Variants in HSPG2 observed in about 807,000 individuals in gnomAD.
HSPG2 encodes the protein basement membrane-specific heparan sulfate proteoglycan core protein.
Under a neutral mutation model 526.6 loss-of-function variants are expected in HSPG2, and 278 were observed. The observed-to-expected ratio is 0.53, with a 90% CI of 0.48 to 0.58. The LOEUF is 0.58. HSPG2 is among the 20% of genes least tolerant of loss of function. The probability of loss-of-function intolerance (pLI) is 0.00; values close to 1 mark genes in which losing one functional copy is unlikely to be tolerated. For synonymous variants in HSPG2, 2,465 were observed against 2,555.4 expected (o/e 0.96, Z 1.07); for missense variants, 5,354 against 6,099.5 (o/e 0.88, Z 4.07).
At chr1:21,884,484 C>T in intron 13 of HSPG2, 44 bp downstream of exon 13, 1 of 1,609,824 alleles carries the variant, frequency 6.2e-7, no homozygotes, top group Non-Finnish European at 8.5e-7. Context: ...TACAGAGGTA[C>T]CCACCTCCCA....
chr1:21,876,030 C>T lies in HSPG2; in HGVS notation c.3016G>A (p.Gly1006Arg). The part of the protein sequence containing the change: ...RFLGDKVTSY[G>R]GELRFTVTQR... ...GTCACTGTGAAGCGCAGCTCTCCTC[C>T]ATAGGAGGTCACCTGGGACCAGGGT... is the stretch of plus-strand genomic sequence containing the variant. Residue 1006 changes from glycine (G) to arginine (R), a missense_variant, in exon 24 of 97, where the codon GGA (glycine) becomes AGA (arginine). Coordinates refer to ENST00000374695, the MANE Select transcript of HSPG2 (RefSeq NM_005529.7). 1 of 1,613,992 alleles carries T rather than the reference C, an allele frequency of 6.2e-7. No homozygotes were observed. The highest frequency in any genetic ancestry group is 8.5e-7 in the Non-Finnish European group (1 of 1,179,970).
At chr1:21,908,022 C>T (rs1253659397) in intron 1 of HSPG2, 2 of 693,546 alleles carry the variant, frequency 2.9e-6, no homozygotes, top group African/African-American at 3.5e-5. Flanking sequence ...CTACAGATAA[C>T]ACAGCACATG....
chr1:21,872,684 C>T lies in HSPG2; in HGVS notation c.3965G>A (p.Cys1322Tyr). ...FHLSASNPDG[C>Y]LPCFCMGITQ... Reference sequence around the variant, plus strand: ...GATGCCCATACAGAAGCAGGGCAGGCAGCCGTCTGGGTTGCTGGCACTCAG... The same window carrying T: ...GATGCCCATACAGAAGCAGGGCAGGTAGCCGTCTGGGTTGCTGGCACTCAG... The change falls in exon 32 of 97, where the codon TGC (cysteine) becomes TAC (tyrosine). Residue 1322 changes from cysteine (C) to tyrosine (Y), a missense_variant. Physicochemically the swap from Cys to Tyr is radical, Grantham distance 194. Coordinates refer to ENST00000374695, the MANE Select transcript of HSPG2 (RefSeq NM_005529.7). This position sits in a 1 kb window ranked among gnomAD's most constrained non-coding sequence, Gnocchi z 5.5. 6.2e-7 allele frequency: 1 copy of T among 1,606,538 alleles called. No individual in the cohort carries two copies. The highest frequency in any genetic ancestry group is 8.5e-7 in the Non-Finnish European group (1 of 1,177,544).
chr1:21,828,141 C>CA lies in HSPG2; in HGVS notation c.12420dup (p.Glu4141Ter). Reference sequence around the variant, plus strand: ...AGCTGGCAGGGGTTCTCCTCGTGCTCACACAGGTCTCCTGTGGGCCAGGGC... The same window carrying CA: ...AGCTGGCAGGGGTTCTCCTCGTGCTCAACACAGGTCTCCTGTGGGCCAGGGC... On this transcript the variant is annotated frameshift_variant, in exon 90 of 97. Coordinates refer to ENST00000374695, the MANE Select transcript of HSPG2 (RefSeq NM_005529.7). LOFTEE classifies it high-confidence loss of function. This position sits in a 1 kb window ranked among gnomAD's most constrained non-coding sequence, Gnocchi z 6.0. The CA allele has an allele frequency of 6.3e-7, 1 of 1,598,282 alleles. No homozygotes were observed.
rs1432717586 is a variant in HSPG2, at chr1:21,850,208, A to G, written c.7295-16T>C. 6.2e-7 allele frequency: 1 copy of G among 1,613,174 alleles called. No individual in the cohort carries two copies. The highest frequency in any genetic ancestry group is 8.5e-7 in the Non-Finnish European group (1 of 1,180,034). Reference sequence around the variant, plus strand: ...ACCCCAAGTGCTGGGGACAGAGGGCAAAGGGTCAATAGCCGGCTAGGAGGT... The same window carrying G: ...ACCCCAAGTGCTGGGGACAGAGGGCGAAGGGTCAATAGCCGGCTAGGAGGT... On this transcript the variant is annotated splice_polypyrimidine_tract_variant and intron_variant, in intron 56 of 96. Transcript: ENST00000374695.
At chr1:21,857,559 C>T (rs1339449716) in intron 42 of HSPG2, among the ~76,000 whole-genome samples, 174 bp from the exon 43 acceptor site, 1 of 152,146 alleles carries the variant, frequency 6.6e-6, no homozygotes, top group Admixed American at 6.5e-5. Flanking sequence ...CCATCCCCAC[C>T]CTCCTTGCCA....
Position 21,880,736 on chromosome 1 carries a change from C to T in HSPG2, c.1918G>A (p.Ala640Thr). Residue 640 changes from alanine (A) to threonine (T), a missense_variant, in exon 15 of 97, where the codon GCC (alanine) becomes ACC (threonine). Transcript: ENST00000374695. ...CCTCGGGAGAGGAGGCGGTACCCGG[C>T]ACCCATGAGGACCACGTCCGGCCGC... ...VQRPDVVLMGAGYRLLSRGHT... is the reference protein window; with the variant it reads ...VQRPDVVLMGTGYRLLSRGHT... The T allele has an allele frequency of 6.2e-7, 1 of 1,601,360 alleles. No homozygotes were observed. Among genetic ancestry groups the T allele is most frequent in the Non-Finnish European group, 8.5e-7 (1 of 1,174,562 alleles).
Position 21,858,332 on chromosome 1 carries a change from ACTCT to A in HSPG2, c.5294-951_5294-948del, listed in dbSNP as rs1477650129. On this transcript the variant is annotated intron_variant, in intron 42 of 96. Transcript: ENST00000374695. The surrounding 1 kb of genome is among the most constrained non-coding windows in gnomAD (Gnocchi z 4.2). ...CTGTCTCTTCCTGCCTCATGGCTGC[ACTCT>A]CTCAGGCTCTTCCTGCCCTTCCTCT... Among the ~76,000 whole-genome samples the A allele has an allele frequency of 6.6e-6, 1 of 151,534 alleles. No homozygotes were observed. The highest frequency in any genetic ancestry group is 1.5e-5 in the Non-Finnish European group (1 of 67,872).
chr1:21,876,457 T>G, intron 22 of HSPG2, 52 bp from the exon 23 acceptor site: 1 of 1,612,702 alleles, frequency 6.2e-7, no homozygotes, highest in Admixed American at 1.7e-5. Context: ...GGACTGGCGC[T>G]TGGTCCATCC....
At chr1:21,886,163 G>A (rs1430921204) in intron 9 of HSPG2, among the ~76,000 whole-genome samples, 3 of 152,262 alleles carry the variant, frequency 2.0e-5, no homozygotes, top group South Asian at 4.1e-4. Context: ...AGGAGCCCAC[G>A]AGGCCATTCA....
Position 21,839,236 on chromosome 1 carries a change from G to C in HSPG2, c.9889+135C>G. 1 of 1,420,982 alleles carries C rather than the reference G, an allele frequency of 7.0e-7. No individual in the cohort carries two copies. The highest frequency in any genetic ancestry group is 9.7e-7 in the Non-Finnish European group (1 of 1,027,746). The allele number at this position is 1,420,982 out of a possible 1,614,324, so 88.0% of individuals were successfully genotyped here. On this transcript the variant is annotated intron_variant, in intron 73 of 96. Transcript: ENST00000374695. The surrounding 1 kb of genome is among the most constrained non-coding windows in gnomAD (Gnocchi z 4.5). Reference sequence around the variant, plus strand: ...GGTCCCAGGCCAGGGTGTGGGTGTCGGGCAGGGCAGGCTCCAGGACCCTGC... The same window carrying C: ...GGTCCCAGGCCAGGGTGTGGGTGTCCGGCAGGGCAGGCTCCAGGACCCTGC...
rs911993450 is a variant in HSPG2 at position 21,895,676 on chromosome 1, T to G, written c.244+246A>C. Among the ~76,000 whole-genome samples, 1 of 152,206 alleles carries G rather than the reference T, an allele frequency of 6.6e-6. No homozygotes were observed. The highest frequency in any genetic ancestry group is 1.5e-5 in the Non-Finnish European group (1 of 68,026). ...TGTCAGTCCCCAGCAGAACTGGGCT[T>G]TACCTGCCCAGTGCCCTGATACCTG... is the stretch of plus-strand genomic sequence containing the variant. On this transcript the variant is annotated intron_variant, in intron 3 of 96. Coordinates refer to ENST00000374695, the MANE Select transcript of HSPG2 (RefSeq NM_005529.7). This position sits in a 1 kb window ranked among gnomAD's most constrained non-coding sequence, Gnocchi z 4.1.
chr1:21,849,063 A>C lies in HSPG2; in HGVS notation c.7447-32T>G, dbSNP rs199830513. 5.6e-4 allele frequency: 900 copies of C among 1,609,286 alleles called. 2 individuals carry two copies. The highest frequency in any genetic ancestry group is 4.3e-3 in the Middle Eastern group (25 of 5,798). The stretch of plus-strand genomic sequence containing the variant: ...GGGTCAGGAGGGAGGAGGCAGGCTC[A>C]GAGCTGGGCACTGCGGCTCACGCCA... On this transcript the variant is annotated intron_variant, in intron 57 of 96. Coordinates refer to ENST00000374695, the MANE Select transcript of HSPG2 (RefSeq NM_005529.7).
chr1:21,917,437 GTAAATAAATAAATAAATAAA>G (rs71569857), intron 1 of HSPG2, among the ~76,000 whole-genome samples: 12,241 of 141,278 alleles, frequency 0.087, 1,294 homozygotes, highest in African/African-American at 0.24. Flanking sequence ...TGTCTCAAAA[GTAAATAAATAAATAAATAAA>G]TAAATAAATA....
chr1:21,903,053 C>G (rs1466216721), intron 1 of HSPG2, among the ~76,000 whole-genome samples: 3 of 152,196 alleles, frequency 2.0e-5, no homozygotes, highest in African/African-American at 7.2e-5. Flanking sequence ...ATGAACCTGC[C>G]CAACAGCCCT....
chr1:21,936,442 C>G (rs1423326503), intron 1 of HSPG2, among the ~76,000 whole-genome samples: 1 of 152,216 alleles, frequency 6.6e-6, no homozygotes, highest in Non-Finnish European at 1.5e-5. Context: ...ACGCACTTTG[C>G]AGCTCATTCC....
intron 1 of HSPG2, among the ~76,000 whole-genome samples, chr1:21,901,792 G>A (rs1157923895): frequency 2.6e-5 from 4 of 152,094 alleles, no homozygotes; most frequent in Admixed American, 6.5e-5. Context: ...AGGGGCGGGG[G>A]GACAAAAGAG....
chr1:21,878,555 A>T (rs1389288826), intron 19 of HSPG2, 22 bp downstream of exon 19: 2 of 1,613,848 alleles, frequency 1.2e-6, no homozygotes, highest in African/African-American at 2.7e-5. Context: ...CCCTTCCTGC[A>T]GCCCCCAAGG....
At chr1:21,881,242 T>C in intron 14 of HSPG2, 97 bp downstream of exon 14, 1 of 1,433,580 alleles carries the variant, frequency 7.0e-7, no homozygotes. Flanking sequence ...TGGTAACACC[T>C]TTCCCTCCAA....
Sources: allele counts gnomAD v4.1 joint callset (sites outside exome capture counted in the v4.1 genomes callset), GRCh38; gene constraint gnomAD v4.1.1; non-coding constraint Gnocchi (gnomAD v3.1); transcripts MANE v1.5; gene names NCBI Gene and HGNC (gene_info 2026-07-23, HGNC 2026-07-21).